Variants in MPDZ observed in about 807,000 individuals in gnomAD.
MPDZ encodes the protein multiple PDZ domain crumbs cell polarity complex component.
In MPDZ, 234 loss-of-function variants were observed where a neutral mutation model predicts 239.1. That is an observed-to-expected ratio of 0.98 (90% confidence interval 0.88 to 1.09). The LOEUF is 1.09. MPDZ is among the 50% of genes least tolerant of loss of function. The pLI, the probability that MPDZ is intolerant of heterozygous loss-of-function variation, is 0.00. For missense variants in MPDZ, 3,175 were observed against 2,510.0 expected (o/e 1.26, Z -5.66); for synonymous variants, 1,048 against 881.3 (o/e 1.19, Z -3.35).
intron 12 of MPDZ, among the ~76,000 whole-genome samples, chr9:13,201,512 G>A (rs150949160): frequency 5.3e-5 from 8 of 151,962 alleles, no homozygotes; most frequent in Non-Finnish European, 2.9e-5. Flanking sequence ...GTGCTTTCTA[G>A]GCCTTTTTCT....
In MPDZ at chr9:13,210,967, T is replaced by C. The variant is rs141455601; in HGVS notation, c.1291-4868A>G. On this transcript the variant is annotated intron_variant, in intron 10 of 46. Transcript: ENST00000319217. ...AAATGCCCCTTCCTTCTTCCTTCTC[T>C]TCTCTCAACTTTTACACCATAAAAG... Among the ~76,000 whole-genome samples the C allele has an allele frequency of 4.5e-3, 682 of 152,188 alleles. 7 individuals carry two copies. The highest frequency in any genetic ancestry group is 0.016 in the African/African-American group (648 of 41,530).
chr9:13,129,773 G>C (rs962400335), intron 32 of MPDZ, among the ~76,000 whole-genome samples: 6 of 151,986 alleles, frequency 3.9e-5, no homozygotes, highest in African/African-American at 1.5e-4. Context: ...GTCTTGCTAT[G>C]TTTCCCAGGC....
At chr9:13,138,386 TTAA>T (rs1275176238) in intron 28 of MPDZ, among the ~76,000 whole-genome samples, 7 of 152,166 alleles carry the variant, frequency 4.6e-5, no homozygotes, top group African/African-American at 1.7e-4. Context: ...CAATGTCTGA[TTAA>T]TCAGTTCACC....
At chr9:13,145,148 AC>A (rs1489412943) in intron 26 of MPDZ, among the ~76,000 whole-genome samples, 1 of 152,108 alleles carries the variant, frequency 6.6e-6, no homozygotes, top group Admixed American at 6.6e-5. Flanking sequence ...GGCACAGCAG[AC>A]GAAATGGTAG....
chr9:13,274,256 AT>A (rs200894616), intron 1 of MPDZ, among the ~76,000 whole-genome samples: 7,735 of 147,140 alleles, frequency 0.053, 422 homozygotes, highest in East Asian at 0.19. Context: ...TTTTTTCTTA[AT>A]TTTTTTTTTT....
intron 6 of MPDZ, 77 bp from the exon 7 acceptor site, chr9:13,221,577 C>T (rs747841181): frequency 3.2e-5 from 47 of 1,483,256 alleles, no homozygotes; most frequent in Non-Finnish European, 4.1e-5. Flanking sequence ...GAAATTTTTG[C>T]GATTATTTTG....
chr9:13,264,881 A>G (rs943953528), intron 1 of MPDZ, among the ~76,000 whole-genome samples: 2 of 151,848 alleles, frequency 1.3e-5, no homozygotes, highest in African/African-American at 4.8e-5. Context: ...CTGTTCTCTC[A>G]CTCCTTAGTT....
intron 1 of MPDZ, among the ~76,000 whole-genome samples, chr9:13,272,642 G>C (rs1487230996): frequency 6.8e-6 from 1 of 146,682 alleles, no homozygotes; most frequent in Non-Finnish European, 1.5e-5. Context: ...GAGATCACCT[G>C]ACCTGAGGTC....
intron 39 of MPDZ, among the ~76,000 whole-genome samples, chr9:13,118,591 T>C (rs1357336459): frequency 1.3e-5 from 2 of 152,168 alleles, no homozygotes; most frequent in Non-Finnish European, 2.9e-5. Context: ...CAATGTTGAA[T>C]TATATTTCTT....
chr9:13,263,271 CATA>C (rs1382931012), intron 1 of MPDZ, among the ~76,000 whole-genome samples: 3 of 151,106 alleles, frequency 2.0e-5, no homozygotes, highest in Admixed American at 1.3e-4. Context: ...TGAAATTTTT[CATA>C]ATAACTATTA....
intron 1 of MPDZ, among the ~76,000 whole-genome samples, chr9:13,271,007 T>A (rs1357916034): frequency 6.6e-6 from 1 of 152,104 alleles, no homozygotes; most frequent in Admixed American, 6.5e-5. Flanking sequence ...AAGCATTGGG[T>A]TCAATACTGA....
chr9:13,206,196 A>C (rs765909172), intron 10 of MPDZ, 97 bp from the exon 11 acceptor site: 28 of 1,153,170 alleles, frequency 2.4e-5, no homozygotes, highest in Non-Finnish European at 3.1e-5. Context: ...GTTAGTGTGA[A>C]AAGAATGGAG....
intron 20 of MPDZ, 43 bp downstream of exon 20, chr9:13,176,093 C>T: frequency 6.6e-7 from 1 of 1,511,884 alleles, no homozygotes; most frequent in Non-Finnish European, 8.9e-7. Context: ...TTCACTATTC[C>T]CTATCTCATC....
chr9:13,190,318 C>G lies in MPDZ; in HGVS notation c.1969-19G>C. On this transcript the variant is annotated intron_variant, in intron 15 of 46. Coordinates refer to ENST00000319217, the MANE Select transcript of MPDZ (RefSeq NM_001378778.1). Reference sequence around the variant, plus strand: ...CGTGAGGCTGGATAATATCAGACAGCTCTTATTTCAGAGGCATTGCATTAG... The same window carrying G: ...CGTGAGGCTGGATAATATCAGACAGGTCTTATTTCAGAGGCATTGCATTAG... The G allele has an allele frequency of 6.7e-7, 1 of 1,496,496 alleles. No homozygotes were observed. The highest frequency in any genetic ancestry group is 8.9e-7 in the Non-Finnish European group (1 of 1,124,436). The allele number at this position is 1,496,496 out of a possible 1,614,324, so 92.7% of individuals were successfully genotyped here.
chr9:13,247,203 T>G (rs983327145), intron 3 of MPDZ, among the ~76,000 whole-genome samples: 2 of 152,172 alleles, frequency 1.3e-5, no homozygotes, highest in African/African-American at 4.8e-5. Context: ...ATAGAGGTGA[T>G]TTCCCTTCCT....
At chr9:13,222,515 AT>A (rs1959186783) in intron 5 of MPDZ, 69 bp from the exon 6 acceptor site, 1 of 1,234,050 alleles carries the variant, frequency 8.1e-7, no homozygotes, top group African/African-American at 1.5e-5. Context: ...CTTCTTTGGC[AT>A]GTATGTTCAA....
chr9:13,176,751 G>C (rs1258576423), intron 19 of MPDZ, among the ~76,000 whole-genome samples: 2 of 152,082 alleles, frequency 1.3e-5, no homozygotes, highest in Non-Finnish European at 2.9e-5. Flanking sequence ...ACATAGAAGA[G>C]CAAGTAGCAT....
chr9:13,168,297 G>C (rs1951334168), intron 22 of MPDZ, 69 bp downstream of exon 22: 3 of 1,442,766 alleles, frequency 2.1e-6, no homozygotes, highest in Non-Finnish European at 2.9e-6. Context: ...AGTGAATACT[G>C]AAAAAGAATT....
At chr9:13,209,785 T>C (rs776263531) in intron 10 of MPDZ, among the ~76,000 whole-genome samples, 4 of 152,010 alleles carry the variant, frequency 2.6e-5, no homozygotes, top group Non-Finnish European at 5.9e-5. Flanking sequence ...AAACTTACAA[T>C]GAAGGCAGTC....
Sources: allele counts gnomAD v4.1 joint callset (sites outside exome capture counted in the v4.1 genomes callset), GRCh38; gene constraint gnomAD v4.1.1; transcripts MANE v1.5; gene names NCBI Gene and HGNC (gene_info 2026-07-23, HGNC 2026-07-21).